The following TMPRSS11A variants were observed in gnomAD, a reference collection of about 807,000 sequenced individuals.
The protein encoded by TMPRSS11A is transmembrane protease serine 11A.
In TMPRSS11A, 53 loss-of-function variants were observed where a neutral mutation model predicts 58.9. That is an observed-to-expected ratio of 0.90 (90% CI 0.72 to 1.13). The LOEUF (loss-of-function observed/expected upper bound fraction) is 1.13. Ranked by LOEUF, TMPRSS11A falls within the 50% of genes most tolerant of loss-of-function variation. The pLI, the probability that TMPRSS11A is intolerant of heterozygous loss-of-function variation, is 0.00. For missense variants in TMPRSS11A, 493 were observed against 499.3 expected, an observed-to-expected ratio of 0.99 and a Z score of 0.12; for synonymous variants, 167 against 169.8, an observed-to-expected ratio of 0.98 and a Z score of 0.13.
At chr4:67,942,824 A>G (rs190625208) in intron 3 of TMPRSS11A, among the ~76,000 whole-genome samples, 1 of 152,302 alleles carries the variant, frequency 6.6e-6, no homozygotes, top group East Asian at 1.9e-4. Context: ...GAAGATACAC[A>G]CTATGAATTA....
intron 3 of TMPRSS11A, among the ~76,000 whole-genome samples, chr4:67,939,650 T>C (rs556282761): frequency 4.5e-4 from 69 of 152,288 alleles, no homozygotes; most frequent in South Asian, 8.3e-4. Flanking sequence ...AAAAGCTTTT[T>C]CTACATATAT....
chr4:67,944,421 G>A, intron 3 of TMPRSS11A, 98 bp downstream of exon 3: 3 of 1,367,380 alleles, frequency 2.2e-6, no homozygotes, highest in East Asian at 4.6e-5. Context: ...TTCTAATGTT[G>A]GCGGTCTGAA....
chr4:67,932,911 C>T (rs151330778), intron 3 of TMPRSS11A, among the ~76,000 whole-genome samples: 34 of 152,188 alleles, frequency 2.2e-4, no homozygotes, highest in African/African-American at 7.2e-4. Context: ...TCTACTGCCA[C>T]GGTATTGTGA....
chr4:67,963,362 A>G, intron 1 of TMPRSS11A, 21 bp downstream of exon 1: 1 of 1,613,640 alleles, frequency 6.2e-7, no homozygotes, highest in South Asian at 1.1e-5. Context: ...CAAGCCATCT[A>G]TAAAACAGAA....
At chr4:67,962,439 G>A (rs1247089765) in intron 1 of TMPRSS11A, among the ~76,000 whole-genome samples, 1 of 152,134 alleles carries the variant, frequency 6.6e-6, no homozygotes, top group Non-Finnish European at 1.5e-5. Flanking sequence ...ACTCCAAGGA[G>A]TTGAGGACTG....
intron 5 of TMPRSS11A, 93 bp from the exon 6 acceptor site, chr4:67,924,259 G>A: frequency 9.7e-7 from 1 of 1,034,382 alleles, no homozygotes; most frequent in Admixed American, 1.7e-5. Flanking sequence ...GACCATATAT[G>A]GATTCTAGAC....
At chr4:67,921,325 T>G (rs1314530862) in intron 7 of TMPRSS11A, among the ~76,000 whole-genome samples, 1 of 152,190 alleles carries the variant, frequency 6.6e-6, no homozygotes, top group African/African-American at 2.4e-5. Flanking sequence ...ATGTAGATTA[T>G]TTTTAAAAAT....
intron 7 of TMPRSS11A, among the ~76,000 whole-genome samples, chr4:67,920,590 T>TAC (rs1442679439): frequency 6.7e-6 from 1 of 148,554 alleles, no homozygotes; most frequent in African/African-American, 2.5e-5. Context: ...TGCATATATA[T>TAC]ACACACATAT....
At chr4:67,932,591 G>A (rs1474610175) in intron 3 of TMPRSS11A, among the ~76,000 whole-genome samples, 1 of 152,176 alleles carries the variant, frequency 6.6e-6, no homozygotes, top group Non-Finnish European at 1.5e-5. Context: ...ATAAGGCTAT[G>A]AAGGTTAAAC....
intron 3 of TMPRSS11A, among the ~76,000 whole-genome samples, chr4:67,943,568 G>C (rs1375340822): frequency 1.3e-5 from 2 of 152,122 alleles, no homozygotes; most frequent in East Asian, 3.8e-4. Flanking sequence ...GATTGCAAAT[G>C]CTCTTTTATA....
rs756138747 is a variant in TMPRSS11A, at chr4:67,946,524, A to G, written c.59T>C (p.Ile20Thr). ...TRSRNLKPWMIAVLIVLSLTV... is the reference protein window; with the variant it reads ...TRSRNLKPWMTAVLIVLSLTV... Reference sequence around the variant, plus strand: ...CAGGGACAACACAATGAGAACGGCAATCATCCATGGCTTCAGATTTCTGCT... The same window carrying G: ...CAGGGACAACACAATGAGAACGGCAGTCATCCATGGCTTCAGATTTCTGCT... The change falls in exon 2 of 10, where the codon ATT (isoleucine) becomes ACT (threonine). Residue 20 changes from isoleucine (I) to threonine (T), a missense_variant. Coordinates refer to ENST00000508048, the MANE Select transcript of TMPRSS11A (RefSeq NM_001114387.2). 38 of 1,612,592 alleles carry G rather than the reference A, an allele frequency of 2.4e-5. No individual in the cohort carries two copies. The highest frequency in any genetic ancestry group is 1.4e-4 in the South Asian group (13 of 90,834).
intron 1 of TMPRSS11A, among the ~76,000 whole-genome samples, chr4:67,962,781 C>T (rs1036579): frequency 1 from 152,143 of 152,338 alleles, 75,975 homozygotes; most frequent in Middle Eastern, 1. Context: ...AAAAACAATA[C>T]CCAAATAATT....
intron 6 of TMPRSS11A, 109 bp from the exon 7 acceptor site, chr4:67,923,035 G>T: frequency 1.0e-6 from 1 of 966,298 alleles, no homozygotes; most frequent in East Asian, 2.6e-5. Flanking sequence ...CTCCTGCCCA[G>T]GACACTTACC....
At chr4:67,922,629 A>G (rs1720359386) in intron 7 of TMPRSS11A, 126 bp downstream of exon 7, 17 of 909,138 alleles carry the variant, frequency 1.9e-5, no homozygotes, top group Non-Finnish European at 2.3e-5. Context: ...ATTTTAGAAA[A>G]GAACCTGAAA....
At chr4:67,923,932 T>C (rs1012999696) in intron 6 of TMPRSS11A, among the ~76,000 whole-genome samples, 196 bp downstream of exon 6, 7 of 152,180 alleles carry the variant, frequency 4.6e-5, no homozygotes, top group Non-Finnish European at 1.0e-4. Flanking sequence ...AAGGTTACCA[T>C]GGCAATTTTT....
chr4:67,939,122 C>CT (rs946679649), intron 3 of TMPRSS11A, among the ~76,000 whole-genome samples: 1 of 151,722 alleles, frequency 6.6e-6, no homozygotes, highest in Admixed American at 6.6e-5. Context: ...TTATAGAGAT[C>CT]TTTTACCTCC....
intron 8 of TMPRSS11A, among the ~76,000 whole-genome samples, chr4:67,916,955 G>A (rs1720172986): frequency 6.6e-6 from 1 of 152,150 alleles, no homozygotes; most frequent in African/African-American, 2.4e-5. Flanking sequence ...AAACTGGTTG[G>A]TAAAATGTAT....
intron 3 of TMPRSS11A, among the ~76,000 whole-genome samples, chr4:67,934,524 A>G (rs1235245792): frequency 6.6e-6 from 1 of 152,172 alleles, no homozygotes; most frequent in Admixed American, 6.5e-5. Flanking sequence ...AGCATTAGCA[A>G]TTTGTAAATC....
chr4:67,952,636 A>G (rs1433171579), intron 1 of TMPRSS11A, among the ~76,000 whole-genome samples: 2 of 152,186 alleles, frequency 1.3e-5, no homozygotes, highest in African/African-American at 4.8e-5. Context: ...GGCCTGTGAG[A>G]TAAGTGTGTA....
Sources: gnomAD v4.1 joint callset for allele counts (sites outside exome capture counted in the v4.1 genomes callset) on GRCh38, gnomAD v4.1.1 for gene constraint, MANE v1.5 for transcripts, NCBI Gene and HGNC (gene_info 2026-07-23, HGNC 2026-07-21) for gene names.